QRICH1: variants seen among roughly 807,000 people sequenced by gnomAD.
The protein encoded by QRICH1 is transcriptional regulator QRICH1.
In QRICH1, 16 loss-of-function variants were observed where a neutral mutation model predicts 87.1. That is an observed-to-expected ratio of 0.18 (90% CI 0.12 to 0.28). QRICH1 has a LOEUF of 0.28. QRICH1 is among the 10% of genes least tolerant of loss of function. The pLI, the probability that QRICH1 is intolerant of heterozygous loss-of-function variation, is 1.00. For synonymous variants in QRICH1, 367 were observed against 368.4 expected, an observed-to-expected ratio of 1.00 and a Z score of 0.05; for missense variants, 647 against 951.7, an observed-to-expected ratio of 0.68 and a Z score of 4.21.
In QRICH1 at chr3:49,030,456, T is replaced by C. The variant is rs2093228626; in HGVS notation, c.2327A>G (p.His776Arg). 6.2e-7 allele frequency: 1 copy of C among 1,613,152 alleles called. No homozygotes were observed. Among genetic ancestry groups the C allele is most frequent in the Non-Finnish European group, 8.5e-7 (1 of 1,179,970 alleles). Residue 776 changes from histidine to arginine, a missense_variant, in exon 10 of 10, where the codon CAC (histidine) becomes CGC (arginine). This residue lies in a region of QRICH1 where 56 missense variants were observed against 79.4 expected (regional missense o/e 0.71). Coordinates refer to ENST00000395443, the MANE Select transcript of QRICH1 (RefSeq NM_198880.3). ...TTGTGCCATGGCCAAGGCATCTCAG[T>C]GCATAGTGCTTGCATTGGCCACTGC... ...AIAVANASTM[H>R]
At chr3:49,050,884 C>T (rs2093366607) in intron 3 of QRICH1, among the ~76,000 whole-genome samples, 1 of 152,172 alleles carries the variant, frequency 6.6e-6, no homozygotes, top group Non-Finnish European at 1.5e-5. Flanking sequence ...ACATCCCCTC[C>T]TCCCCACCAC....
intron 6 of QRICH1, among the ~76,000 whole-genome samples, chr3:49,042,254 C>T (rs946730393): frequency 1.3e-5 from 2 of 151,468 alleles, no homozygotes; most frequent in African/African-American, 4.9e-5. Context: ...CCCACCACCA[C>T]AACCGGCTAA....
Position 49,080,022 on chromosome 3 carries a change from C to CT in QRICH1, c.-21-2985dup, listed in dbSNP as rs2042028085. ...CCAGCCTGGGCGCCAGACTGAGACT[C>CT]TATCTCAAAAAAAAAAAAAAAGGCA... On this transcript the variant is annotated intron_variant, in intron 1 of 9. Transcript: ENST00000395443. 5.9e-5 allele frequency among the ~76,000 whole-genome samples: 6 copies of CT among 100,950 alleles called. No homozygotes were observed. The South Asian group carries it at 3.2e-3, about 54-fold the overall frequency. 66.2% of individuals were successfully genotyped at this position (100,950 alleles called of 152,430 possible).
In QRICH1 at chr3:49,030,115, T is replaced by C. The variant is rs1361049874; in HGVS notation, c.*337A>G. ...CCTCCAGGGTCCATCCATCATTAATTCCATCTCTCTTGAAGATGGAAAGGG... is the reference window on the plus strand; with the variant it reads ...CCTCCAGGGTCCATCCATCATTAATCCCATCTCTCTTGAAGATGGAAAGGG... On this transcript the variant is annotated 3_prime_UTR_variant, in exon 10 of 10. Transcript: ENST00000395443. 4 of 395,596 alleles carry C rather than the reference T, an allele frequency of 1.0e-5. No individual in the cohort carries two copies. Among genetic ancestry groups the C allele is most frequent in the Non-Finnish European group, 1.8e-5 (4 of 222,910 alleles). 24.5% of individuals were successfully genotyped at this position (395,596 alleles called of 1,614,324 possible).
At chr3:49,033,554 T>C in intron 6 of QRICH1, 1 of 204,242 alleles carries the variant, frequency 4.9e-6, no homozygotes, top group Non-Finnish European at 9.8e-6. Flanking sequence ...CAGAAAACTA[T>C]AAACCAAACT....
In QRICH1 at chr3:49,044,448, C is replaced by T; in HGVS notation, c.1728G>A (p.Arg576=). ...DDIFSDLYYV[R]FTEWLHEVLK... is the part of the protein sequence containing the mutation. ...GAACTTCATGTAGCCACTCCGTGAACCGAACATAATAAAGATCGGAGAAAA... is the reference window on the plus strand; with the variant it reads ...GAACTTCATGTAGCCACTCCGTGAATCGAACATAATAAAGATCGGAGAAAA... Residue 576 remains arginine, a synonymous_variant, in exon 6 of 10, where the codon CGG becomes CGA. Coordinates refer to ENST00000395443, the MANE Select transcript of QRICH1 (RefSeq NM_198880.3). The T allele has an allele frequency of 6.2e-7, 1 of 1,613,730 alleles. No individual in the cohort carries two copies. The highest frequency in any genetic ancestry group is 8.5e-7 in the Non-Finnish European group (1 of 1,179,906).
intron 6 of QRICH1, chr3:49,033,640 T>C (rs2093255951): frequency 6.5e-6 from 1 of 153,282 alleles, no homozygotes; most frequent in Non-Finnish European, 1.5e-5. Context: ...CCCAAAGAAC[T>C]GGCATGCACG....
intron 6 of QRICH1, among the ~76,000 whole-genome samples, chr3:49,041,596 AGGATTAT>A (rs2093310138): frequency 6.7e-6 from 1 of 150,152 alleles, no homozygotes; most frequent in East Asian, 2.0e-4. Flanking sequence ...CCAAAGTGCT[AGGATTAT>A]GGGTGTGAGC....
chr3:49,043,509 A>G (rs1278540473), intron 6 of QRICH1, among the ~76,000 whole-genome samples: 2 of 144,910 alleles, frequency 1.4e-5, no homozygotes, highest in African/African-American at 5.1e-5. Flanking sequence ...AAAAAAAAAA[A>G]AAAAAAAAAA....
intron 5 of QRICH1, among the ~76,000 whole-genome samples, chr3:49,044,769 T>C (rs2093329745): frequency 6.6e-6 from 1 of 152,160 alleles, no homozygotes; most frequent in South Asian, 2.1e-4. Flanking sequence ...TTAGCAAAAA[T>C]CATGAATAGG....
intron 1 of QRICH1, among the ~76,000 whole-genome samples, chr3:49,080,534 TCAAA>T (rs1042918009): frequency 1.5e-4 from 23 of 151,822 alleles, no homozygotes; most frequent in South Asian, 2.1e-4. Flanking sequence ...AAGAAACACC[TCAAA>T]CAAAGTTTAC....
At chr3:49,080,472 T>C (rs1257592405) in intron 1 of QRICH1, among the ~76,000 whole-genome samples, 3 of 151,132 alleles carry the variant, frequency 2.0e-5, no homozygotes, top group Non-Finnish European at 2.9e-5. Context: ...GAATTCAATA[T>C]CAAACAAAAC....
intron 2 of QRICH1, among the ~76,000 whole-genome samples, chr3:49,071,732 TA>T (rs1280281422): frequency 6.6e-6 from 1 of 152,116 alleles, no homozygotes; most frequent in East Asian, 1.9e-4. Context: ...GTCCTTAGTG[TA>T]AAAGGCTAGA....
chr3:49,040,994 C>T (rs1316898982), intron 6 of QRICH1, among the ~76,000 whole-genome samples: 1 of 152,190 alleles, frequency 6.6e-6, no homozygotes, highest in African/African-American at 2.4e-5. Flanking sequence ...GAGACAGAAT[C>T]TCATTCTGTT....
chr3:49,092,970 G>A (rs747400340), intron 1 of QRICH1, among the ~76,000 whole-genome samples: 16 of 152,216 alleles, frequency 1.1e-4, no homozygotes, highest in Non-Finnish European at 1.9e-4. Flanking sequence ...CTGCGTTTAA[G>A]GATTTAAACT....
At chr3:49,036,182 C>T (rs902528289) in intron 6 of QRICH1, among the ~76,000 whole-genome samples, 2 of 152,110 alleles carry the variant, frequency 1.3e-5, no homozygotes, top group East Asian at 1.9e-4. Context: ...ATAAAAAAAA[C>T]CTAGGTATTA....
intron 6 of QRICH1, among the ~76,000 whole-genome samples, chr3:49,038,962 G>A (rs1211901009): frequency 3.3e-5 from 5 of 152,264 alleles, no homozygotes; most frequent in South Asian, 4.1e-4. Flanking sequence ...AGGAGCCAGA[G>A]GTTGCAGTGA....
At position 49,057,454 on chromosome 3, in the gene QRICH1, T is replaced by C. The variant is rs1353136334; in HGVS notation, c.746A>G (p.Lys249Arg). ...GGACACAGTGATGGGCATGTCCACTTTGCGCTTCTTCACTGGTTGGAGGAC... is the reference window on the plus strand; with the variant it reads ...GGACACAGTGATGGGCATGTCCACTCTGCGCTTCTTCACTGGTTGGAGGAC... ...ASVLQPVKKR[K>R]VDMPITVSYA... The change falls in exon 3 of 10, where the codon AAA becomes AGA. Residue 249 changes from lysine (K) to arginine (R), a missense_variant. Around this residue, in one of 7 missense-constraint regions of QRICH1, gnomAD observed 75 missense variants for 141.0 expected, o/e 0.53. Coordinates refer to ENST00000395443, the MANE Select transcript of QRICH1 (RefSeq NM_198880.3). The surrounding 1 kb of genome is among the most constrained non-coding windows in gnomAD (Gnocchi z 5.4). 2 of 1,613,824 alleles carry C rather than the reference T, an allele frequency of 1.2e-6. No individual in the cohort carries two copies. The highest frequency in any genetic ancestry group is 3.3e-5 in the Admixed American group (2 of 60,004).
intron 2 of QRICH1, 136 bp downstream of exon 2, chr3:49,076,566 AAACTTTT>A (rs2041956271): frequency 1.1e-6 from 1 of 871,030 alleles, no homozygotes; most frequent in African/African-American, 1.7e-5. Flanking sequence ...AAGAAAGAAA[AAACTTTT>A]AGTCCACATT....
Sources: allele counts gnomAD v4.1 joint callset (sites outside exome capture counted in the v4.1 genomes callset), GRCh38; gene constraint gnomAD v4.1.1; regional missense constraint gnomAD v4.1.1; non-coding constraint Gnocchi (gnomAD v3.1); transcripts MANE v1.5; gene names NCBI Gene and HGNC (gene_info 2026-07-23, HGNC 2026-07-21).